Variants in TCF4 observed in about 807,000 individuals in gnomAD.
The protein encoded by TCF4 is SL3-3 enhancer factor 2.
Under a neutral mutation model 82.1 loss-of-function variants are expected in TCF4, and 3 were observed. The ratio of observed to expected loss-of-function variants is 0.04; its 90% CI spans 0.02 to 0.09. The LOEUF is 0.09. TCF4 is among the 10% of genes least tolerant of loss of function. TCF4 has a pLI of 1.00. For missense variants in TCF4, 518 were observed against 852.7 expected (o/e 0.61, Z 4.89); for synonymous variants, 276 against 309.6 (o/e 0.89, Z 1.14).
At chr18:55,365,209 G>GTGTGTGTGTA (rs1422350131) in intron 6 of TCF4, among the ~76,000 whole-genome samples, 1 of 126,802 alleles carries the variant, frequency 7.9e-6, no homozygotes, top group African/African-American at 3.4e-5. Context: ...GTGTGTGTGT[G>GTGTGTGTGTA]TATATATATG....
intron 6 of TCF4, among the ~76,000 whole-genome samples, chr18:55,402,774 T>C (rs940592119): frequency 6.6e-6 from 1 of 152,140 alleles, no homozygotes; most frequent in Admixed American, 6.6e-5. Context: ...CTCTGGAGAG[T>C]TTAAAGTATA....
chr18:55,480,975 G>C (rs2096414633), intron 3 of TCF4, among the ~76,000 whole-genome samples: 1 of 151,998 alleles, frequency 6.6e-6, no homozygotes, highest in African/African-American at 2.4e-5. Context: ...GTGGTGGCAG[G>C]CACCTGTAAT....
intron 6 of TCF4, among the ~76,000 whole-genome samples, chr18:55,372,280 T>C (rs2089461831): frequency 6.6e-6 from 1 of 151,794 alleles, no homozygotes. Context: ...GGATTTGCTC[T>C]ACAGAGGAAA....
intron 3 of TCF4, among the ~76,000 whole-genome samples, chr18:55,546,243 G>A (rs2097206549): frequency 6.6e-6 from 1 of 152,176 alleles, no homozygotes; most frequent in African/African-American, 2.4e-5. Flanking sequence ...GGAGGCTGAG[G>A]TGGGAGGATG....
At chr18:55,261,270 A>G in intron 12 of TCF4, 196 bp downstream of exon 12, 2 of 668,210 alleles carry the variant, frequency 3.0e-6, no homozygotes, top group Non-Finnish European at 5.3e-6. Context: ...CATTTTGAGG[A>G]TGAGAGAAAG....
intron 2 of TCF4, among the ~76,000 whole-genome samples, chr18:55,598,060 C>T (rs1014206121): frequency 1.7e-4 from 26 of 152,318 alleles, no homozygotes; most frequent in Non-Finnish European, 5.9e-5. Flanking sequence ...AAGAATAAAT[C>T]ACCCAAACCC....
intron 3 of TCF4, among the ~76,000 whole-genome samples, chr18:55,500,836 A>G (rs1252600380): frequency 2.0e-5 from 3 of 152,242 alleles, no homozygotes; most frequent in Non-Finnish European, 4.4e-5. Context: ...GCTTCATTAT[A>G]TCACAAAGAA....
At chr18:55,591,138 G>C (rs2097684749), upstream of TCF4, 1 of 152,204 alleles carries the variant, frequency 6.6e-6, no homozygotes, top group African/African-American at 2.4e-5. Context: ...TACAGAACAA[G>C]AATTAAGGCA....
intron 3 of TCF4, among the ~76,000 whole-genome samples, chr18:55,478,071 G>A (rs958525850): frequency 1.3e-5 from 2 of 152,200 alleles, no homozygotes; most frequent in African/African-American, 4.8e-5. Context: ...GAAGAATGAC[G>A]ATAACCAGAC....
At chr18:55,372,009 A>G (rs1267114643) in intron 6 of TCF4, among the ~76,000 whole-genome samples, 3 of 152,236 alleles carry the variant, frequency 2.0e-5, no homozygotes, top group Non-Finnish European at 2.9e-5. Flanking sequence ...GAATAATAGC[A>G]TCTCCTTCCT....
At chr18:55,397,358 C>T (rs945230012) in intron 6 of TCF4, among the ~76,000 whole-genome samples, 4 of 152,060 alleles carry the variant, frequency 2.6e-5, no homozygotes, top group South Asian at 2.1e-4. Context: ...CACAAGGAAA[C>T]GAAATCTAAT....
At chr18:55,388,577 C>T (rs985048798) in intron 6 of TCF4, among the ~76,000 whole-genome samples, 4 of 152,148 alleles carry the variant, frequency 2.6e-5, no homozygotes, top group African/African-American at 9.7e-5. Flanking sequence ...AGCCTGGTAA[C>T]TAGGTAAGTG....
chr18:55,298,129 C>T (rs1021360046), intron 8 of TCF4, among the ~76,000 whole-genome samples: 3 of 152,266 alleles, frequency 2.0e-5, no homozygotes, highest in Admixed American at 6.5e-5. Flanking sequence ...AGCATCCAGT[C>T]GGTATCTAAC....
intron 8 of TCF4, among the ~76,000 whole-genome samples, chr18:55,296,357 C>T (rs1470831969): frequency 1.3e-5 from 2 of 152,144 alleles, no homozygotes; most frequent in Admixed American, 6.5e-5. Flanking sequence ...GCAGAGGAAT[C>T]CCAGGATTTA....
At position 55,432,961 on chromosome 18, in the gene TCF4, G is replaced by C. The variant is rs149361892; in HGVS notation, c.304+28058C>G. Among the ~76,000 whole-genome samples, 17 of 152,280 alleles carry C rather than the reference G, an allele frequency of 1.1e-4. No individual in the cohort carries two copies. The East Asian group carries it at 2.7e-3, about 24-fold the overall frequency. Reference sequence around the variant, plus strand: ...CCTTGATTTTGTGACCTGTAATCATGCTTCTTGTAAGGTCTTTTTAAAAAG... The same window carrying C: ...CCTTGATTTTGTGACCTGTAATCATCCTTCTTGTAAGGTCTTTTTAAAAAG... On this transcript the variant is annotated intron_variant, in intron 5 of 19. Coordinates refer to ENST00000354452, the MANE Select transcript of TCF4 (RefSeq NM_001083962.2).
chr18:55,624,320 A>G (rs2097724401), intron 2 of TCF4, among the ~76,000 whole-genome samples: 1 of 151,954 alleles, frequency 6.6e-6, no homozygotes, highest in Non-Finnish European at 1.5e-5. Context: ...ATTATTTAAT[A>G]ATTTCAGAGA....
chr18:55,243,223 GAAGC>G (rs1242136224), intron 15 of TCF4, among the ~76,000 whole-genome samples: 6 of 152,206 alleles, frequency 3.9e-5, no homozygotes, highest in Non-Finnish European at 8.8e-5. Flanking sequence ...TATGTGTGAA[GAAGC>G]AAGCAGCTAA....
chr18:55,307,562 T>G (rs1312103231), intron 8 of TCF4, among the ~76,000 whole-genome samples: 1 of 152,236 alleles, frequency 6.6e-6, no homozygotes, highest in Non-Finnish European at 1.5e-5. Context: ...ATAACATTTT[T>G]AAATCATTCT....
chr18:55,291,628 G>GA (rs2065115650), intron 8 of TCF4, among the ~76,000 whole-genome samples: 1 of 152,092 alleles, frequency 6.6e-6, no homozygotes, highest in South Asian at 2.1e-4. Context: ...AGATTGAAAT[G>GA]AAAAAAATAA....
Sources: gnomAD v4.1 joint callset for allele counts (sites outside exome capture counted in the v4.1 genomes callset) on GRCh38, gnomAD v4.1.1 for gene constraint, MANE v1.5 for transcripts, NCBI Gene and HGNC (gene_info 2026-07-23, HGNC 2026-07-21) for gene names.